Variants in IFT80 observed in about 807,000 individuals in gnomAD.
IFT80 encodes intraflagellar transport protein 80 homolog.
IFT80 carries 79 observed loss-of-function variants against 107.9 expected under a neutral mutation model. The observed-to-expected ratio is 0.73, with a 90% CI of 0.61 to 0.88. The LOEUF is 0.88. IFT80 is among the 40% of genes least tolerant of loss of function. IFT80 has a pLI of 0.00. For missense variants in IFT80, 797 were observed against 914.2 expected, an observed-to-expected ratio of 0.87 and a Z score of 1.65; for synonymous variants, 299 against 300.9, an observed-to-expected ratio of 0.99 and a Z score of 0.07.
At chr3:160,315,690 C>T (rs1717765614) in intron 9 of IFT80, among the ~76,000 whole-genome samples, 1 of 152,084 alleles carries the variant, frequency 6.6e-6, no homozygotes, top group Non-Finnish European at 1.5e-5. Context: ...ATTGCAGCCA[C>T]CCTCTTTTCC....
At chr3:160,299,252 A>G (rs1409452449) in intron 12 of IFT80, 3 of 1,160,028 alleles carry the variant, frequency 2.6e-6, no homozygotes, top group South Asian at 3.6e-5. Flanking sequence ...AAAAATTACC[A>G]AAAGTCTTCT....
At chr3:160,278,439 T>G (rs951987048) in intron 16 of IFT80, among the ~76,000 whole-genome samples, 1 of 152,346 alleles carries the variant, frequency 6.6e-6, no homozygotes, top group South Asian at 2.1e-4. Flanking sequence ...GTGAGCACTA[T>G]GTAAATCAGA....
intron 18 of IFT80, chr3:160,274,417 C>T (rs1361954082): frequency 2.6e-5 from 4 of 151,756 alleles, no homozygotes; most frequent in Admixed American, 1.3e-4. Context: ...TTCTGTGATA[C>T]CTACTCACTC....
intron 18 of IFT80, among the ~76,000 whole-genome samples, chr3:160,270,757 A>G (rs1010367181): frequency 6.6e-6 from 1 of 152,102 alleles, no homozygotes; most frequent in Non-Finnish European, 1.5e-5. Context: ...GTATATCCCT[A>G]AGGCTCTGAT....
At chr3:160,368,571 T>C (rs1342271357) in intron 5 of IFT80, among the ~76,000 whole-genome samples, 1 of 151,708 alleles carries the variant, frequency 6.6e-6, no homozygotes, top group African/African-American at 2.4e-5. Flanking sequence ...TCTCTGGGAG[T>C]AGCCAGGAGT....
chr3:160,311,678 A>G lies in IFT80; in HGVS notation c.958-3897T>C, dbSNP rs988513928. 1.1e-4 allele frequency among the ~76,000 whole-genome samples: 16 copies of G among 152,314 alleles called. No homozygotes were observed. In the South Asian group the frequency reaches 2.3e-3, roughly 22 times the overall value. On this transcript the variant is annotated intron_variant, in intron 9 of 19. Coordinates refer to ENST00000326448, the MANE Select transcript of IFT80 (RefSeq NM_020800.3). ...TCTAGAATCAGCAGGAGTAAGGAAG[A>G]CATCTAACCAGATCCAGCGATATGC...
At chr3:160,323,958 T>A (rs1718477395) in intron 8 of IFT80, among the ~76,000 whole-genome samples, 1 of 151,856 alleles carries the variant, frequency 6.6e-6, no homozygotes, top group Non-Finnish European at 1.5e-5. Flanking sequence ...TCACCACCGA[T>A]CCCACAGAAA....
intron 1 of IFT80, among the ~76,000 whole-genome samples, chr3:160,385,216 A>C (rs906245154): frequency 6.6e-6 from 1 of 152,226 alleles, no homozygotes; most frequent in Non-Finnish European, 1.5e-5. Flanking sequence ...AAGTTATGTA[A>C]AAATCACAGT....
chr3:160,384,817 A>G (rs1712801001), intron 1 of IFT80, among the ~76,000 whole-genome samples, 171 bp from the exon 2 acceptor site: 1 of 152,226 alleles, frequency 6.6e-6, no homozygotes, highest in South Asian at 2.1e-4. Context: ...AATCCTAACA[A>G]GGGATGACGG....
intron 19 of IFT80, among the ~76,000 whole-genome samples, chr3:160,264,738 C>A (rs921101230): frequency 8.6e-5 from 13 of 151,990 alleles, no homozygotes; most frequent in Non-Finnish European, 4.4e-5. Flanking sequence ...CCGCACCTTG[C>A]GGAATCAGGA....
intron 5 of IFT80, among the ~76,000 whole-genome samples, chr3:160,373,978 A>T (rs919737596): frequency 2.0e-5 from 3 of 152,218 alleles, no homozygotes; most frequent in Non-Finnish European, 2.9e-5. Context: ...CCCCTGACAT[A>T]GACTAAACAA....
intron 9 of IFT80, among the ~76,000 whole-genome samples, chr3:160,319,407 T>C (rs746922023): frequency 1.4e-4 from 22 of 152,058 alleles, no homozygotes; most frequent in Non-Finnish European, 2.9e-4. Flanking sequence ...TGTCAGTAAC[T>C]GGCAGATTAG....
intron 5 of IFT80, 102 bp from the exon 6 acceptor site, chr3:160,366,254 T>C (rs1429733307): frequency 7.5e-6 from 6 of 795,182 alleles, no homozygotes; most frequent in Non-Finnish European, 1.3e-5. Context: ...ATATGAGGTG[T>C]CATTTCATTT....
chr3:160,342,582 A>G (rs931278992), intron 8 of IFT80: 3 of 152,160 alleles, frequency 2.0e-5, no homozygotes, highest in African/African-American at 7.2e-5. Context: ...TCCTGTATAA[A>G]TATATTACAT....
chr3:160,358,748 T>C (rs967128437), intron 6 of IFT80, among the ~76,000 whole-genome samples: 1 of 152,240 alleles, frequency 6.6e-6, no homozygotes, highest in Non-Finnish European at 1.5e-5. Context: ...CCTTACACTG[T>C]AATTTAGGGT....
chr3:160,389,447 A>G (rs1168493116), intron 1 of IFT80, among the ~76,000 whole-genome samples: 1 of 150,302 alleles, frequency 6.7e-6, no homozygotes, highest in Non-Finnish European at 1.5e-5. Flanking sequence ...GTCATTTAGC[A>G]TTAGGTATAT....
intron 8 of IFT80, among the ~76,000 whole-genome samples, chr3:160,354,058 T>C (rs550494085): frequency 5.2e-4 from 79 of 152,298 alleles, no homozygotes; most frequent in African/African-American, 1.8e-3. Context: ...TATTGAACTA[T>C]TGGATTTTAT....
intron 12 of IFT80, among the ~76,000 whole-genome samples, chr3:160,299,884 T>C (rs1716280631): frequency 6.6e-6 from 1 of 152,130 alleles, no homozygotes; most frequent in South Asian, 2.1e-4. Context: ...TTACTCAGGA[T>C]AAAAACCTAC....
At chr3:160,348,884 G>GA (rs1720475483) in intron 8 of IFT80, among the ~76,000 whole-genome samples, 1 of 152,026 alleles carries the variant, frequency 6.6e-6, no homozygotes, top group Non-Finnish European at 1.5e-5. Context: ...AAATCTATAG[G>GA]AAAAAAAGTA....
Sources: gnomAD v4.1 joint callset for allele counts (sites outside exome capture counted in the v4.1 genomes callset) on GRCh38, gnomAD v4.1.1 for gene constraint, MANE v1.5 for transcripts, NCBI Gene and HGNC (gene_info 2026-07-23, HGNC 2026-07-21) for gene names.